Variants in NUDT14 observed in about 807,000 individuals in gnomAD.
NUDT14 encodes nudix hydrolase 14.
Under a neutral mutation model 17.5 loss-of-function variants are expected in NUDT14, and 22 were observed. The observed-to-expected ratio is 1.26, with a 90% CI of 0.90 to 1.80. The LOEUF (loss-of-function observed/expected upper bound fraction) is 1.80, where lower values mean the gene tolerates loss of function less well. NUDT14 is among the 40% of genes most tolerant of loss of function. The probability of loss-of-function intolerance (pLI) is 0.00; values close to 1 mark genes in which losing one functional copy is unlikely to be tolerated. For synonymous variants in NUDT14, 129 were observed against 125.8 expected, an observed-to-expected ratio of 1.03 and a Z score of -0.17; for missense variants, 296 against 295.6, an observed-to-expected ratio of 1.00 and a Z score of -0.01.
At chr14:105,175,599 C>T (rs896138505) in intron 4 of NUDT14, 37 of 429,030 alleles carry the variant, frequency 8.6e-5, no homozygotes, top group Middle Eastern at 1.2e-3. Context: ...CGGGGTTTCT[C>T]CATGTGGTCA....
chr14:105,177,086 A>G lies in NUDT14; in HGVS notation c.126-59T>C, dbSNP rs930572361. ...ACTCCACTGGCCCTCGTGGGGCCCCACCTCCCATCTTTCTGTTCCCAGCGT... is the reference window on the plus strand; with the variant it reads ...ACTCCACTGGCCCTCGTGGGGCCCCGCCTCCCATCTTTCTGTTCCCAGCGT... On this transcript the variant is annotated intron_variant, in intron 2 of 4. Transcript: ENST00000392568. The G allele has an allele frequency of 7.9e-6, 12 of 1,517,548 alleles. No homozygotes were observed. The African/African-American group carries it at 1.5e-4, about 19-fold the overall frequency. 94.0% of individuals were successfully genotyped at this position (1,517,548 alleles called of 1,614,324 possible).
chr14:105,179,450 C>A (rs890779508), intron 1 of NUDT14, among the ~76,000 whole-genome samples: 1 of 152,246 alleles, frequency 6.6e-6, no homozygotes, highest in Non-Finnish European at 1.5e-5. Context: ...AGCCACAGCC[C>A]GAACCAGCTC....
intron 4 of NUDT14, chr14:105,175,979 G>A (rs1038882358): frequency 2.5e-5 from 32 of 1,272,270 alleles, no homozygotes; most frequent in South Asian, 6.3e-5. Context: ...GGAGCCCATC[G>A]TAGCGTCCCT....
At chr14:105,175,921 G>C in intron 4 of NUDT14, 1 of 1,236,000 alleles carries the variant, frequency 8.1e-7, no homozygotes, top group Non-Finnish European at 1.0e-6. Context: ...TGGTGGGGGT[G>C]GGGGTCTGTG....
intron 2 of NUDT14, 96 bp from the exon 3 acceptor site, chr14:105,177,123 C>T (rs1889232558): frequency 8.3e-7 from 1 of 1,198,634 alleles, no homozygotes; most frequent in Non-Finnish European, 1.2e-6. Flanking sequence ...GCCATCCCAC[C>T]TCCTTGCCAG....
chr14:105,178,451 G>A (rs117997087), intron 1 of NUDT14, among the ~76,000 whole-genome samples: 1,956 of 152,216 alleles, frequency 0.013, 25 homozygotes, highest in Non-Finnish European at 0.021. Context: ...CCCCCACACT[G>A]GGCACACCAC....
rs1889139400 is a variant in NUDT14 at position 105,173,122 on chromosome 14, G to A, written c.568C>T (p.Gln190Ter). ...EVVHLPLEGA[Q>*]AFADDPDIPK... Reference sequence around the variant, plus strand: ...ATGTCCGGGTCGTCTGCAAAGGCCTGGGCGCCTTCCAGGGGCAGGTGCACC... The same window carrying A: ...ATGTCCGGGTCGTCTGCAAAGGCCTAGGCGCCTTCCAGGGGCAGGTGCACC... Residue 190 changes from glutamine (Q) to a stop codon, truncating the protein, a stop_gained, in exon 5 of 5, where the codon CAG (glutamine) becomes TAG (stop). Transcript: ENST00000392568. LOFTEE classifies it high-confidence loss of function. This position sits in a 1 kb window ranked among gnomAD's most constrained non-coding sequence, Gnocchi z 4.7. 7 of 1,605,826 alleles carry A rather than the reference G, an allele frequency of 4.4e-6. No individual in the cohort carries two copies. Among genetic ancestry groups the A allele is most frequent in the Non-Finnish European group, 5.9e-6 (7 of 1,176,910 alleles).
At chr14:105,174,342 G>A (rs1308619245) in intron 4 of NUDT14, among the ~76,000 whole-genome samples, 1 of 151,670 alleles carries the variant, frequency 6.6e-6, no homozygotes, top group Non-Finnish European at 1.5e-5. Context: ...GGAGAAACGG[G>A]ACTGAGGGGC....
At position 105,173,184 on chromosome 14, in the gene NUDT14, C is replaced by G; in HGVS notation, c.506G>C (p.Gly169Ala). Residue 169 changes from glycine (G) to alanine (A), a missense_variant, in exon 5 of 5, where the codon GGT becomes GCT. Physicochemically the swap from Gly to Ala is moderately conservative, Grantham distance 60. Coordinates refer to ENST00000392568, the MANE Select transcript of NUDT14 (RefSeq NM_177533.5). The surrounding 1 kb of genome is among the most constrained non-coding windows in gnomAD (Gnocchi z 4.7). ...EVTDAQRSGP[G>A]GGLVEEGELI... is the part of the protein sequence containing the mutation. ...CTCACCCTCCTCCACCAGGCCCCCA[C>G]CTGGACCGCTACGCTGGGCATCTGT... 6.2e-7 allele frequency: 1 copy of G among 1,610,940 alleles called. No homozygotes were observed. The highest frequency in any genetic ancestry group is 8.5e-7 in the Non-Finnish European group (1 of 1,179,196).
At chr14:105,175,475 C>T (rs1889190791) in intron 4 of NUDT14, 1 of 56,782 alleles carries the variant, frequency 1.8e-5, no homozygotes, top group Admixed American at 1.7e-4. Context: ...GGTTCAGGCT[C>T]ACCGCAACCT....
At chr14:105,179,657 C>T (rs1889286660) in intron 1 of NUDT14, among the ~76,000 whole-genome samples, 1 of 152,234 alleles carries the variant, frequency 6.6e-6, no homozygotes, top group South Asian at 2.1e-4. Flanking sequence ...GCAGGCATCC[C>T]ATATGGCCAA....
At chr14:105,180,641 C>A (rs1172507214) in intron 1 of NUDT14, among the ~76,000 whole-genome samples, 1 of 152,048 alleles carries the variant, frequency 6.6e-6, no homozygotes, top group African/African-American at 2.4e-5. Flanking sequence ...CTGGAAAAAA[C>A]CCCAAGGAGG....
In NUDT14 at chr14:105,173,194, T is replaced by A. The variant is rs587740368; in HGVS notation, c.496A>T (p.Ser166Cys). The A allele has an allele frequency of 2.0e-5, 32 of 1,610,182 alleles. No individual in the cohort carries two copies. The South Asian group carries it at 3.4e-4, about 17-fold the overall frequency. The change falls in exon 5 of 5, where the codon AGC (serine) becomes TGC (cysteine). Residue 166 changes from serine to cysteine, a missense_variant. Ser to Cys is a moderately radical substitution (Grantham distance 112). Transcript: ENST00000392568. This position sits in a 1 kb window ranked among gnomAD's most constrained non-coding sequence, Gnocchi z 4.7. ...FYTEVTDAQR[S>C]GPGGGLVEEG... ...TCCACCAGGCCCCCACCTGGACCGCTACGCTGGGCATCTGTCACCTCTGTG... is the reference window on the plus strand; with the variant it reads ...TCCACCAGGCCCCCACCTGGACCGCAACGCTGGGCATCTGTCACCTCTGTG...
chr14:105,176,927 C>A, intron 3 of NUDT14, 36 bp downstream of exon 3: 2 of 1,591,418 alleles, frequency 1.3e-6, no homozygotes, highest in Non-Finnish European at 1.7e-6. Flanking sequence ...CTGAAGGTGA[C>A]CCTGCAGATC....
intron 2 of NUDT14, chr14:105,177,414 A>C: frequency 1.8e-6 from 1 of 547,016 alleles, no homozygotes; most frequent in Non-Finnish European, 3.3e-6. Flanking sequence ...CCTGGATGCT[A>C]GGGGCAAAGG....
rs1474646079 is a variant in NUDT14 at position 105,173,489 on chromosome 14, G to C, written c.429-228C>G. 1 of 410,276 alleles carries C rather than the reference G, an allele frequency of 2.4e-6. No homozygotes were observed. Among genetic ancestry groups the C allele is most frequent in the Non-Finnish European group, 4.2e-6 (1 of 235,364 alleles). 25.4% of individuals were successfully genotyped at this position (410,276 alleles called of 1,614,324 possible). On this transcript the variant is annotated intron_variant, in intron 4 of 4. Transcript: ENST00000392568. The surrounding 1 kb of genome is among the most constrained non-coding windows in gnomAD (Gnocchi z 4.7). The stretch of plus-strand genomic sequence containing the variant: ...GATCACGTTGTACTCGCCAGGTGGG[G>C]TGGGTGTTGTCGATGTGATTAAGGA...
intron 4 of NUDT14, chr14:105,175,602 T>A (rs1351178730): frequency 6.6e-6 from 3 of 452,270 alleles, no homozygotes; most frequent in Non-Finnish European, 8.8e-6. Flanking sequence ...GGTTTCTCCA[T>A]GTGGTCAGGC....
chr14:105,181,236 CGAGCTCTGCGGGGGCCG>C lies in NUDT14; in HGVS notation c.-44_-28del. The C allele has an allele frequency of 4.1e-6, 1 of 241,450 alleles. No homozygotes were observed. The highest frequency in any genetic ancestry group is 5.2e-6 in the Non-Finnish European group (1 of 191,832). 15.0% of individuals were successfully genotyped at this position (241,450 alleles called of 1,614,324 possible). ...GCGGCGCCCGGACAGGCGGGGGCCG[CGAGCTCTGCGGGGGCCG>C]ACACGGGGCGGCGCCCTGTCCCGAC... On this transcript the variant is annotated 5_prime_UTR_variant, in exon 1 of 5. Transcript: ENST00000392568. This position sits in a 1 kb window ranked among gnomAD's most constrained non-coding sequence, Gnocchi z 5.0.
Position 105,173,467 on chromosome 14 carries a change from C to G in NUDT14, c.429-206G>C, listed in dbSNP as rs1298024529. On this transcript the variant is annotated intron_variant, in intron 4 of 4. Coordinates refer to ENST00000392568, the MANE Select transcript of NUDT14 (RefSeq NM_177533.5). This position sits in a 1 kb window ranked among gnomAD's most constrained non-coding sequence, Gnocchi z 4.7. ...CGCAGCAGGGCATCCCTTCCCTGAT[C>G]ACGTTGTACTCGCCAGGTGGGGTGG... 6 of 450,306 alleles carry G rather than the reference C, an allele frequency of 1.3e-5. No homozygotes were observed. Among genetic ancestry groups the G allele is most frequent in the Middle Eastern group, 5.6e-4 (1 of 1,770 alleles). 27.9% of individuals were successfully genotyped at this position (450,306 alleles called of 1,614,324 possible). A position where few individuals can be genotyped will look rare whatever the true frequency, so the allele number is the denominator to read the frequency against.
Sources: gnomAD v4.1 joint callset for allele counts (sites outside exome capture counted in the v4.1 genomes callset) on GRCh38, gnomAD v4.1.1 for gene constraint, Gnocchi (gnomAD v3.1) non-coding constraint, MANE v1.5 for transcripts, NCBI Gene and HGNC (gene_info 2026-07-23, HGNC 2026-07-21) for gene names.